CTNNA3: variants seen among roughly 807,000 people sequenced by gnomAD.
CTNNA3 encodes catenin alpha-3.
CTNNA3 carries 76 observed loss-of-function variants against 95.7 expected under a neutral mutation model. The ratio of observed to expected loss-of-function variants is 0.79; its 90% CI spans 0.66 to 0.96. The LOEUF (loss-of-function observed/expected upper bound fraction) is 0.96. Among genes scored for constraint, CTNNA3 ranks in the 40% least tolerant of loss-of-function variants. The pLI, the probability that CTNNA3 is intolerant of heterozygous loss-of-function variation, is 0.00. For missense variants in CTNNA3, 1,191 were observed against 1,089.8 expected (o/e 1.09, Z -1.31); for synonymous variants, 431 against 374.4 (o/e 1.15, Z -1.74).
intron 7 of CTNNA3, among the ~76,000 whole-genome samples, chr10:67,059,538 G>A (rs79882278): frequency 0.013 from 2,016 of 152,194 alleles, 52 homozygotes; most frequent in African/African-American, 0.046. Context: ...ATGATATGTC[G>A]TCAAAGTATA....
chr10:66,587,555 G>A (rs979828809), intron 10 of CTNNA3, among the ~76,000 whole-genome samples: 6 of 152,108 alleles, frequency 3.9e-5, no homozygotes, highest in African/African-American at 1.4e-4. Flanking sequence ...TCACATGCAG[G>A]CACAAGCAGC....
At chr10:66,419,837 G>A (rs75718137) in intron 11 of CTNNA3, among the ~76,000 whole-genome samples, 5,818 of 152,152 alleles carry the variant, frequency 0.038, 196 homozygotes, top group Middle Eastern at 0.061. Flanking sequence ...ACAGTCACAG[G>A]CAAAAGAATG....
intron 3 of CTNNA3, among the ~76,000 whole-genome samples, chr10:67,598,928 A>T (rs1362540065): frequency 6.6e-6 from 1 of 152,192 alleles, no homozygotes; most frequent in Non-Finnish European, 1.5e-5. Flanking sequence ...GAAGAACCCA[A>T]TAGAAACCAA....
intron 14 of CTNNA3, among the ~76,000 whole-genome samples, chr10:66,080,026 T>A (rs2080693892): frequency 6.6e-6 from 1 of 152,088 alleles, no homozygotes; most frequent in Non-Finnish European, 1.5e-5. Flanking sequence ...CATTCATGAT[T>A]CGGATCGCTT....
chr10:66,374,605 C>CGT (rs2092779946), intron 12 of CTNNA3, among the ~76,000 whole-genome samples: 1 of 113,480 alleles, frequency 8.8e-6, no homozygotes, highest in Non-Finnish European at 1.7e-5. Context: ...GAAAGAAAAG[C>CGT]CTTTTTTTTT....
chr10:66,890,417 A>G (rs575563055), intron 7 of CTNNA3, among the ~76,000 whole-genome samples: 1 of 152,210 alleles, frequency 6.6e-6, no homozygotes, highest in South Asian at 2.1e-4. Flanking sequence ...AGAACATGAA[A>G]ACATTTCTTT....
intron 9 of CTNNA3, among the ~76,000 whole-genome samples, chr10:66,666,845 A>T (rs1263620791): frequency 6.6e-6 from 1 of 152,112 alleles, no homozygotes; most frequent in African/African-American, 2.4e-5. Flanking sequence ...CATATAATGT[A>T]CATAAAGTAC....
chr10:67,123,941 A>G (rs1346567695), intron 7 of CTNNA3, among the ~76,000 whole-genome samples: 2 of 152,148 alleles, frequency 1.3e-5, no homozygotes, highest in Non-Finnish European at 2.9e-5. Context: ...CTAGCATCAA[A>G]TCTTCTGTCA....
chr10:67,364,383 C>T (rs1043987638), intron 5 of CTNNA3, among the ~76,000 whole-genome samples: 2 of 152,122 alleles, frequency 1.3e-5, no homozygotes, highest in Non-Finnish European at 2.9e-5. Context: ...ATGGCAAAAA[C>T]TGGAAGCATT....
chr10:66,888,088 G>A (rs1211638926), intron 7 of CTNNA3, among the ~76,000 whole-genome samples: 2 of 152,128 alleles, frequency 1.3e-5, no homozygotes, highest in Admixed American at 6.5e-5. Flanking sequence ...CGCTTCCCAG[G>A]CTGTGGTCAG....
intron 13 of CTNNA3, among the ~76,000 whole-genome samples, chr10:66,221,891 G>A (rs138200895): frequency 1.8e-4 from 28 of 152,216 alleles, no homozygotes; most frequent in African/African-American, 6.5e-4. Flanking sequence ...GAATCAAATC[G>A]CAATGCTTGG....
At chr10:66,295,935 T>C (rs201963241) in intron 12 of CTNNA3, among the ~76,000 whole-genome samples, 5 of 76,240 alleles carry the variant, frequency 6.6e-5, no homozygotes, top group Non-Finnish European at 9.6e-5. Flanking sequence ...ATTTTGGAGA[T>C]GGCAATAACA....
chr10:66,215,189 C>T (rs946897328), intron 13 of CTNNA3, among the ~76,000 whole-genome samples: 4 of 152,132 alleles, frequency 2.6e-5, no homozygotes, highest in African/African-American at 9.7e-5. Context: ...CAACTGTGGA[C>T]ACTGGATGCC....
chr10:66,440,019 C>T (rs1205381170), intron 11 of CTNNA3, among the ~76,000 whole-genome samples: 3 of 152,108 alleles, frequency 2.0e-5, no homozygotes, highest in African/African-American at 4.8e-5. Context: ...CTCAGGCAAG[C>T]TTCTTAATGT....
chr10:65,950,830 A>G (rs542548701), intron 17 of CTNNA3, among the ~76,000 whole-genome samples: 1 of 152,198 alleles, frequency 6.6e-6, no homozygotes, highest in Non-Finnish European at 1.5e-5. Context: ...AGACTCTCAC[A>G]TCACATCTAT....
At chr10:67,560,410 T>C (rs1389387808) in intron 3 of CTNNA3, among the ~76,000 whole-genome samples, 2 of 152,018 alleles carry the variant, frequency 1.3e-5, no homozygotes, top group African/African-American at 2.4e-5. Flanking sequence ...GAAGGAGAAA[T>C]AAAATACTTT....
chr10:66,800,213 C>G (rs2132231100), intron 7 of CTNNA3, among the ~76,000 whole-genome samples: 1 of 151,350 alleles, frequency 6.6e-6, no homozygotes, highest in South Asian at 2.1e-4. Flanking sequence ...CCCATGTACT[C>G]TGCTTATATT....
chr10:67,069,935 T>C (rs190192302), intron 7 of CTNNA3, among the ~76,000 whole-genome samples: 1 of 152,298 alleles, frequency 6.6e-6, no homozygotes, highest in East Asian at 1.9e-4. Context: ...TATCTAGAAG[T>C]AGAATTACTG....
In CTNNA3 at chr10:67,216,652, A is replaced by T. The variant is rs192222700; in HGVS notation, c.843+2955T>A. Among the ~76,000 whole-genome samples the T allele has an allele frequency of 6.1e-3, 923 of 150,250 alleles. 9 individuals are homozygous for T. Among genetic ancestry groups the T allele is most frequent in the Middle Eastern group, 0.014 (4 of 292 alleles). On this transcript the variant is annotated intron_variant, in intron 6 of 17. Transcript: ENST00000433211. ...TGATACATGAATATGTAAAAAAGTT[A>T]AAAAAAGTGAATATGACAGCTCTCT...
Sources: gnomAD v4.1 joint callset for allele counts (sites outside exome capture counted in the v4.1 genomes callset) on GRCh38, gnomAD v4.1.1 for gene constraint, MANE v1.5 for transcripts, NCBI Gene and HGNC (gene_info 2026-07-23, HGNC 2026-07-21) for gene names.